Variants in IL17RD observed in about 807,000 individuals in gnomAD.
IL17RD encodes the protein interleukin-17 receptor D.
A neutral mutation model predicts 80.5 loss-of-function variants in IL17RD; 52 were observed. The ratio of observed to expected loss-of-function variants is 0.65; its 90% CI spans 0.52 to 0.81. The LOEUF is 0.81. IL17RD is among the 40% of genes least tolerant of loss of function. The probability of loss-of-function intolerance (pLI) is 0.00; values close to 1 mark genes in which losing one functional copy is unlikely to be tolerated. For missense variants in IL17RD, 1,024 were observed against 955.1 expected (o/e 1.07, Z -0.95); for synonymous variants, 416 against 391.8 (o/e 1.06, Z -0.73).
At chr3:57,149,149 AG>A (rs1707999121) in intron 1 of IL17RD, among the ~76,000 whole-genome samples, 1 of 152,110 alleles carries the variant, frequency 6.6e-6, no homozygotes, top group African/African-American at 2.4e-5. Flanking sequence ...TACAAAAATT[AG>A]CTGGGTGTGG....
chr3:57,131,863 A>C (rs1299397343), intron 1 of IL17RD, among the ~76,000 whole-genome samples: 2 of 152,220 alleles, frequency 1.3e-5, no homozygotes, highest in Non-Finnish European at 2.9e-5. Flanking sequence ...CTGTTGAATA[A>C]TAGAGAGTGG....
chr3:57,145,431 C>A (rs530437488), intron 1 of IL17RD, among the ~76,000 whole-genome samples: 1 of 152,280 alleles, frequency 6.6e-6, no homozygotes, highest in South Asian at 2.1e-4. Context: ...GCAAGCAACA[C>A]AGGCACATCA....
intron 1 of IL17RD, among the ~76,000 whole-genome samples, chr3:57,146,885 T>G: frequency 7.7e-6 from 1 of 129,578 alleles, no homozygotes; most frequent in African/African-American, 4.5e-5. Flanking sequence ...TGGCACAATC[T>G]TGACTCACTG....
intron 1 of IL17RD, among the ~76,000 whole-genome samples, chr3:57,154,859 C>G (rs897655993): frequency 6.6e-5 from 10 of 152,118 alleles, no homozygotes; most frequent in African/African-American, 9.7e-5. Context: ...TTTAGTGAAG[C>G]CTTCTAAGGA....
rs1439957972 is a variant in IL17RD, at chr3:57,103,111, A to G, written c.848T>C (p.Met283Thr). 14 of 1,602,880 alleles carry G rather than the reference A, an allele frequency of 8.7e-6. No homozygotes were observed. The highest frequency in any genetic ancestry group is 1.2e-5 in the Non-Finnish European group (14 of 1,174,146). Residue 283 changes from methionine (M) to threonine (T), a missense_variant, in exon 9 of 13, where the codon ATG (methionine) becomes ACG (threonine). Coordinates refer to ENST00000296318, the MANE Select transcript of IL17RD (RefSeq NM_017563.5). ...CCTACCTGGCTTTAAGGCATAATGC[A>G]TCACTTTTCTTGTTGTGTTAGTGTC... ...VDDTNTTRKV[M>T]HYALKPVHSP...
chr3:57,105,159 C>A (rs1284994578), intron 7 of IL17RD, among the ~76,000 whole-genome samples: 4 of 152,072 alleles, frequency 2.6e-5, no homozygotes, highest in Non-Finnish European at 4.4e-5. Context: ...ATGACAGCAG[C>A]CTCTGTTTCA....
chr3:57,109,396 C>T (rs975103552), intron 5 of IL17RD, 141 bp downstream of exon 5: 206 of 765,886 alleles, frequency 2.7e-4, no homozygotes, highest in Non-Finnish European at 3.2e-4. Flanking sequence ...CTGCCTGCCT[C>T]GGCCTCCCAA....
At chr3:57,110,403 A>C in intron 3 of IL17RD, 92 bp from the exon 4 acceptor site, 1 of 1,361,268 alleles carries the variant, frequency 7.3e-7, no homozygotes, top group Non-Finnish European at 1.0e-6. Context: ...CTCTACCTAC[A>C]CACCAGAGTT....
At chr3:57,140,651 C>T (rs970607679) in intron 1 of IL17RD, among the ~76,000 whole-genome samples, 1 of 152,150 alleles carries the variant, frequency 6.6e-6, no homozygotes, top group African/African-American at 2.4e-5. Flanking sequence ...GGCATCATGG[C>T]TAACAACTTT....
intron 3 of IL17RD, among the ~76,000 whole-genome samples, 188 bp from the exon 4 acceptor site, chr3:57,110,499 G>C (rs1035447041): frequency 3.3e-5 from 5 of 152,178 alleles, no homozygotes; most frequent in African/African-American, 1.2e-4. Flanking sequence ...AAGACCAGGT[G>C]ATTTTCTCCA....
At chr3:57,107,672 G>C (rs1490349791) in intron 5 of IL17RD, among the ~76,000 whole-genome samples, 4 of 152,208 alleles carry the variant, frequency 2.6e-5, no homozygotes, top group African/African-American at 4.8e-5. Flanking sequence ...AGATTAAAGA[G>C]ATAACCTGTA....
intron 1 of IL17RD, among the ~76,000 whole-genome samples, chr3:57,126,950 G>A (rs563011382): frequency 7.7e-4 from 116 of 151,062 alleles, no homozygotes; most frequent in Non-Finnish European, 1.2e-3. Context: ...TCAGCCTCCC[G>A]AGTAGCTGGG....
chr3:57,154,606 C>G (rs1001652005), intron 1 of IL17RD, among the ~76,000 whole-genome samples: 1 of 152,104 alleles, frequency 6.6e-6, no homozygotes, highest in Non-Finnish European at 1.5e-5. Flanking sequence ...CTCTCAATGA[C>G]TTCAAAACCC....
intron 7 of IL17RD, among the ~76,000 whole-genome samples, chr3:57,105,552 A>AAAAAAATAT: frequency 9.4e-5 from 6 of 63,590 alleles, no homozygotes; most frequent in African/African-American, 4.7e-4. Context: ...AAAAAAAAAA[A>AAAAAAATAT]ATATATATAT....
At chr3:57,163,758 A>T (rs1200511598) in intron 1 of IL17RD, among the ~76,000 whole-genome samples, 2 of 129,202 alleles carry the variant, frequency 1.5e-5, no homozygotes, top group Non-Finnish European at 3.2e-5. Context: ...TTACTCAACT[A>T]GGAAGGAATG....
chr3:57,134,603 T>C, intron 1 of IL17RD: 1 of 1,065,936 alleles, frequency 9.4e-7, no homozygotes, highest in Non-Finnish European at 1.5e-6. Context: ...AGCTGCAGGC[T>C]GACCAGGCTA....
intron 1 of IL17RD, among the ~76,000 whole-genome samples, chr3:57,154,283 T>TACACATATACACACACACAC (rs1553628628): frequency 8.9e-6 from 1 of 112,908 alleles, no homozygotes; most frequent in Non-Finnish European, 1.8e-5. Flanking sequence ...TATATATATA[T>TACACATATACACACACACAC]ACACACACAC....
chr3:57,132,793 C>G (rs1302732916), intron 1 of IL17RD, among the ~76,000 whole-genome samples: 1 of 152,152 alleles, frequency 6.6e-6, no homozygotes, highest in Non-Finnish European at 1.5e-5. Flanking sequence ...AAAAAGTGAA[C>G]TAGGATGTGG....
chr3:57,163,252 G>A (rs2060318044), intron 1 of IL17RD, among the ~76,000 whole-genome samples: 1 of 152,186 alleles, frequency 6.6e-6, no homozygotes, highest in South Asian at 2.1e-4. Context: ...GAAACGATTG[G>A]TGGGGCCAAG....
Sources: allele counts gnomAD v4.1 joint callset (sites outside exome capture counted in the v4.1 genomes callset), GRCh38; gene constraint gnomAD v4.1.1; transcripts MANE v1.5; gene names NCBI Gene and HGNC (gene_info 2026-07-23, HGNC 2026-07-21).